Variants in RERE observed in about 807,000 individuals in gnomAD.
The protein encoded by RERE is arginine-glutamic acid dipeptide repeats protein.
A neutral mutation model predicts 146.1 loss-of-function variants in RERE; 40 were observed. The observed-to-expected ratio is 0.27, with a 90% CI of 0.21 to 0.36. The LOEUF (loss-of-function observed/expected upper bound fraction) is 0.36, where lower values mean the gene tolerates loss of function less well. Ranked by LOEUF, RERE falls within the 10% of genes least tolerant of loss-of-function variation. The pLI is 1.00. For missense variants in RERE, 1,933 were observed against 2,138.7 expected (o/e 0.90, Z 1.90); for synonymous variants, 1,003 against 866.0 (o/e 1.16, Z -2.78).
chr1:8,669,418 G>A (rs1457316740), intron 1 of RERE, among the ~76,000 whole-genome samples: 2 of 152,042 alleles, frequency 1.3e-5, no homozygotes, highest in Non-Finnish European at 2.9e-5. Context: ...CTTTAAATAG[G>A]TAAATTATAT....
At chr1:8,777,533 C>CTTTT (rs752250797) in intron 1 of RERE, among the ~76,000 whole-genome samples, 1 of 137,696 alleles carries the variant, frequency 7.3e-6, no homozygotes, top group Admixed American at 7.4e-5. Context: ...AAGTGTCATA[C>CTTTT]TTTTTTTTTT....
chr1:8,625,140 GTTTGT>G lies in RERE; in HGVS notation c.326-765_326-761del, dbSNP rs369464766. Among the ~76,000 whole-genome samples, 737 of 152,002 alleles carry G rather than the reference GTTTGT, an allele frequency of 4.8e-3. 4 individuals are homozygous for G. Among genetic ancestry groups the G allele is most frequent in the African/African-American group, 0.016 (655 of 41,444 alleles). On this transcript the variant is annotated intron_variant, in intron 2 of 22. Coordinates refer to ENST00000400908, the MANE Select transcript of RERE (RefSeq NM_001042681.2). Reference sequence around the variant, plus strand: ...AAGCGTTGCTTTTGTTTGTTTGTTTGTTTGTTTTGTTTTGTTTTGTTTTGGCTGGT... The same window carrying G: ...AAGCGTTGCTTTTGTTTGTTTGTTTGTTTGTTTTGTTTTGTTTTGGCTGGT...
intron 1 of RERE, among the ~76,000 whole-genome samples, chr1:8,776,593 AG>A (rs558947856): frequency 1.3e-5 from 2 of 152,340 alleles, no homozygotes; most frequent in South Asian, 4.1e-4. Context: ...CACGGCACCT[AG>A]CCCCAAAATA....
At chr1:8,732,766 G>A (rs2124489833) in intron 1 of RERE, among the ~76,000 whole-genome samples, 1 of 147,618 alleles carries the variant, frequency 6.8e-6, no homozygotes, top group East Asian at 2.0e-4. Context: ...ATATGTGTGT[G>A]TGTGGGAACT....
chr1:8,371,535 C>T (rs904242765), intron 12 of RERE, among the ~76,000 whole-genome samples: 1 of 152,334 alleles, frequency 6.6e-6, no homozygotes, highest in Admixed American at 6.5e-5. Flanking sequence ...AGTCAGCTGA[C>T]TCTGGGCCTA....
intron 8 of RERE, 81 bp downstream of exon 8, chr1:8,508,546 G>A: frequency 5.6e-6 from 6 of 1,079,442 alleles, no homozygotes; most frequent in African/African-American, 1.6e-5. Context: ...CACATTCTAA[G>A]ATGCTGCGCA....
chr1:8,535,028 C>A (rs891736796), intron 7 of RERE, among the ~76,000 whole-genome samples: 1 of 151,958 alleles, frequency 6.6e-6, no homozygotes, highest in Non-Finnish European at 1.5e-5. Context: ...CACTTGAGCC[C>A]GGGAGGATCA....
rs1405360656 is a variant in RERE, at chr1:8,656,055, T to C, written c.243A>G (p.Lys81=). The C allele has an allele frequency of 1.2e-6, 2 of 1,614,176 alleles. No individual in the cohort carries two copies. The highest frequency in any genetic ancestry group is 1.7e-5 in the Admixed American group (1 of 60,016). ...STKKNKKKPP[K]KKSRYERTDT... The stretch of plus-strand genomic sequence containing the variant: ...CTGTCCTTTCATAACGAGACTTTTT[T>C]TTCGGTGGTTTCTTCTTATTCTTCT... Residue 81 remains lysine (K), a synonymous_variant, in exon 2 of 23, where the codon AAA becomes AAG. Coordinates refer to ENST00000400908, the MANE Select transcript of RERE (RefSeq NM_001042681.2).
At chr1:8,575,025 T>C (rs978018881) in intron 4 of RERE, among the ~76,000 whole-genome samples, 1 of 152,266 alleles carries the variant, frequency 6.6e-6, no homozygotes, top group African/African-American at 2.4e-5. Flanking sequence ...TTAACACGTA[T>C]GCACATGAAG....
At chr1:8,663,100 C>T (rs961295425) in intron 1 of RERE, among the ~76,000 whole-genome samples, 12 of 152,072 alleles carry the variant, frequency 7.9e-5, no homozygotes, top group South Asian at 2.1e-4. Context: ...ACTATTTGGG[C>T]GGGGGTAAAA....
intron 8 of RERE, among the ~76,000 whole-genome samples, chr1:8,501,669 G>GGA (rs1377813671): frequency 8.9e-6 from 1 of 112,846 alleles, no homozygotes; most frequent in Admixed American, 8.4e-5. Flanking sequence ...GAGGTGGGGG[G>GGA]TCAGCCCCCC....
At chr1:8,793,136 G>T (rs1287830135) in intron 1 of RERE, among the ~76,000 whole-genome samples, 1 of 125,548 alleles carries the variant, frequency 8.0e-6, no homozygotes, top group African/African-American at 3.1e-5. Flanking sequence ...CAGCCTGGGA[G>T]ACAGAATGAG....
intron 11 of RERE, among the ~76,000 whole-genome samples, chr1:8,463,682 G>C (rs1644557473): frequency 6.6e-6 from 1 of 152,222 alleles, no homozygotes; most frequent in Non-Finnish European, 1.5e-5. Flanking sequence ...CGAGGGGCTG[G>C]GAGGCATGAG....
chr1:8,619,472 A>G (rs959761630), intron 3 of RERE, among the ~76,000 whole-genome samples: 1 of 152,254 alleles, frequency 6.6e-6, no homozygotes, highest in African/African-American at 2.4e-5. Flanking sequence ...TGAAACACCT[A>G]TGTAACTTTA....
chr1:8,573,810 T>C (rs896380099), intron 4 of RERE, among the ~76,000 whole-genome samples: 7 of 152,164 alleles, frequency 4.6e-5, no homozygotes, highest in African/African-American at 1.7e-4. Flanking sequence ...AACTGTGATG[T>C]GTTGCCTTTT....
chr1:8,493,326 C>G (rs1236636082), intron 10 of RERE, among the ~76,000 whole-genome samples: 1 of 152,050 alleles, frequency 6.6e-6, no homozygotes, highest in African/African-American at 2.4e-5. Context: ...TTAAAACTAA[C>G]CAACAAAAAA....
chr1:8,368,537 C>A (rs1381000176), intron 12 of RERE, among the ~76,000 whole-genome samples: 2 of 148,056 alleles, frequency 1.4e-5, no homozygotes, highest in African/African-American at 2.5e-5. Flanking sequence ...CTATACGAGA[C>A]AAAAGGGACC....
At chr1:8,725,429 G>A (rs1244973656) in intron 1 of RERE, among the ~76,000 whole-genome samples, 1 of 152,100 alleles carries the variant, frequency 6.6e-6, no homozygotes, top group Non-Finnish European at 1.5e-5. Context: ...ATCCGGGCAT[G>A]GTGGTGGGCG....
intron 11 of RERE, among the ~76,000 whole-genome samples, chr1:8,450,534 A>ACGCC (rs1644378215): frequency 6.6e-6 from 1 of 151,956 alleles, no homozygotes; most frequent in Non-Finnish European, 1.5e-5. Flanking sequence ...ATCCCAACTG[A>ACGCC]TGCCTCGCAC....
Sources: gnomAD v4.1 joint callset for allele counts (sites outside exome capture counted in the v4.1 genomes callset) on GRCh38, gnomAD v4.1.1 for gene constraint, MANE v1.5 for transcripts, NCBI Gene and HGNC (gene_info 2026-07-23, HGNC 2026-07-21) for gene names.